Variants in KCMF1 observed in about 807,000 individuals in gnomAD.
KCMF1 encodes potassium channel modulatory factor 1, also known as E3 ubiquitin-protein ligase KCMF1.
Under a neutral mutation model 41.1 loss-of-function variants are expected in KCMF1, and 3 were observed. The observed-to-expected ratio is 0.07, with a 90% CI of 0.03 to 0.19. KCMF1 has a LOEUF of 0.19. KCMF1 is among the 10% of genes least tolerant of loss of function. The pLI is 1.00. For synonymous variants in KCMF1, 142 were observed against 164.5 expected, an observed-to-expected ratio of 0.86 and a Z score of 1.04; for missense variants, 286 against 488.9, an observed-to-expected ratio of 0.58 and a Z score of 3.91.
At chr2:85,009,379 C>T (rs550282234) in intron 1 of KCMF1, among the ~76,000 whole-genome samples, 11 of 152,242 alleles carry the variant, frequency 7.2e-5, no homozygotes, top group Admixed American at 5.2e-4. Flanking sequence ...ATAAATTACC[C>T]AGTCTCAGGT....
chr2:85,043,467 A>G (rs1675589962), intron 3 of KCMF1, 97 bp from the exon 4 acceptor site: 3 of 753,770 alleles, frequency 4.0e-6, no homozygotes, highest in Admixed American at 4.1e-5. Context: ...CTGTTGGTTA[A>G]AACTTGATAA....
chr2:85,030,995 G>A (rs1675253159), intron 2 of KCMF1, among the ~76,000 whole-genome samples: 1 of 152,222 alleles, frequency 6.6e-6, no homozygotes, highest in Admixed American at 6.5e-5. Context: ...ACCATGCCAA[G>A]CCTACATGTC....
chr2:85,044,415 G>A (rs184993395), intron 4 of KCMF1, among the ~76,000 whole-genome samples: 27 of 151,932 alleles, frequency 1.8e-4, no homozygotes, highest in Admixed American at 3.3e-4. Flanking sequence ...TGCTCTGTCA[G>A]CCAGGCTGGA....
chr2:85,030,644 A>T (rs958146075), intron 2 of KCMF1, among the ~76,000 whole-genome samples: 5 of 152,186 alleles, frequency 3.3e-5, no homozygotes, highest in Admixed American at 6.5e-5. Flanking sequence ...GGTTGACTAT[A>T]AATGAGGGTT....
At chr2:84,993,183 T>A in intron 1 of KCMF1, among the ~76,000 whole-genome samples, 1 of 147,976 alleles carries the variant, frequency 6.8e-6, no homozygotes. Context: ...TGAGACCCTG[T>A]GTCAGAAAAA....
chr2:84,989,405 G>A (rs1673983585), intron 1 of KCMF1, among the ~76,000 whole-genome samples: 1 of 152,114 alleles, frequency 6.6e-6, no homozygotes, highest in Admixed American at 6.6e-5. Flanking sequence ...AGAAAGGGAG[G>A]GATAAATGCC....
At chr2:85,046,007 A>G in intron 4 of KCMF1, 97 bp from the exon 5 acceptor site, 1 of 996,696 alleles carries the variant, frequency 1.0e-6, no homozygotes, top group Non-Finnish European at 1.5e-6. Context: ...TTAAATGCTT[A>G]CAATTCAGGA....
intron 2 of KCMF1, among the ~76,000 whole-genome samples, chr2:85,029,540 A>G (rs77360554): frequency 0.015 from 2,309 of 151,932 alleles, 60 homozygotes; most frequent in African/African-American, 0.052. Context: ...TCAAGTGTGC[A>G]GTGAACCCTG....
At chr2:85,052,048 G>A (rs929264085) in intron 6 of KCMF1, among the ~76,000 whole-genome samples, 1 of 152,194 alleles carries the variant, frequency 6.6e-6, no homozygotes, top group African/African-American at 2.4e-5. Flanking sequence ...CTTTTAGAAA[G>A]TGATTATTGG....
At chr2:84,972,437 A>T (rs763553104) in intron 1 of KCMF1, among the ~76,000 whole-genome samples, 1 of 152,204 alleles carries the variant, frequency 6.6e-6, no homozygotes, top group East Asian at 1.9e-4. Context: ...TATGGTTTAG[A>T]AAAGGAGGAG....
chr2:85,027,870 A>T lies in KCMF1; in HGVS notation c.17-19A>T, dbSNP rs1219432583. 1 of 1,554,418 alleles carries T rather than the reference A, an allele frequency of 6.4e-7. No individual in the cohort carries two copies. The highest frequency in any genetic ancestry group is 2.0e-5 in the Admixed American group (1 of 51,246). ...TGGCCTTTACAACTGGTAACTAAAG[A>T]TATTTCTTTTTTTTATAGGTGTCAG... is the stretch of plus-strand genomic sequence containing the variant. On this transcript the variant is annotated intron_variant, in intron 1 of 6. Transcript: ENST00000409785.
intron 1 of KCMF1, among the ~76,000 whole-genome samples, chr2:85,004,363 T>A (rs1197450394): frequency 6.6e-6 from 1 of 151,816 alleles, no homozygotes; most frequent in African/African-American, 2.4e-5. Context: ...TACAAAAAAT[T>A]AGGCAGGCAT....
intron 3 of KCMF1, among the ~76,000 whole-genome samples, chr2:85,039,774 A>G (rs1407804467): frequency 6.6e-6 from 1 of 152,110 alleles, no homozygotes. Context: ...AGCAGAGACG[A>G]CACTGAGAAC....
At chr2:85,012,843 T>C (rs1329306234) in intron 1 of KCMF1, among the ~76,000 whole-genome samples, 2 of 152,212 alleles carry the variant, frequency 1.3e-5, no homozygotes, top group Non-Finnish European at 2.9e-5. Flanking sequence ...CAGTTGACGG[T>C]AGGATTTTGG....
At chr2:84,978,376 C>T (rs1262403478) in intron 1 of KCMF1, among the ~76,000 whole-genome samples, 1 of 150,484 alleles carries the variant, frequency 6.6e-6, no homozygotes, top group Non-Finnish European at 1.5e-5. Flanking sequence ...CTAAACAGAC[C>T]CCTTCATATT....
intron 1 of KCMF1, among the ~76,000 whole-genome samples, chr2:85,015,100 G>A (rs1302173586): frequency 6.9e-6 from 1 of 144,532 alleles, no homozygotes; most frequent in Non-Finnish European, 1.5e-5. Flanking sequence ...GTTGCAGTGA[G>A]CCGAGATCGC....
At chr2:85,050,389 C>T (rs1432785523) in intron 6 of KCMF1, among the ~76,000 whole-genome samples, 1 of 151,958 alleles carries the variant, frequency 6.6e-6, no homozygotes, top group African/African-American at 2.4e-5. Context: ...TCTAAAAAAG[C>T]TAGATTTAAA....
intron 1 of KCMF1, among the ~76,000 whole-genome samples, chr2:85,011,398 C>G (rs1674649534): frequency 6.6e-6 from 1 of 152,152 alleles, no homozygotes; most frequent in South Asian, 2.1e-4. Flanking sequence ...TTGGTGCTTG[C>G]TTGGTGTACT....
At chr2:85,010,545 A>G (rs549140669) in intron 1 of KCMF1, among the ~76,000 whole-genome samples, 2 of 152,228 alleles carry the variant, frequency 1.3e-5, no homozygotes, top group Non-Finnish European at 2.9e-5. Context: ...CCGGTGCACC[A>G]CTATCCAGTG....
Sources: gnomAD v4.1 joint callset for allele counts (sites outside exome capture counted in the v4.1 genomes callset) on GRCh38, gnomAD v4.1.1 for gene constraint, MANE v1.5 for transcripts, NCBI Gene and HGNC (gene_info 2026-07-23, HGNC 2026-07-21) for gene names.